The following ATRNL1 variants were observed in gnomAD, a reference collection of about 807,000 sequenced individuals.
ATRNL1 encodes attractin-like protein 1.
In ATRNL1, 95 loss-of-function variants were observed where a neutral mutation model predicts 182.7. The observed-to-expected ratio is 0.52, with a 90% CI of 0.44 to 0.62. The LOEUF (loss-of-function observed/expected upper bound fraction) is 0.62, where lower values mean the gene tolerates loss of function less well. ATRNL1 is among the 20% of genes least tolerant of loss of function. The pLI, the probability that ATRNL1 is intolerant of heterozygous loss-of-function variation, is 0.00. For synonymous variants in ATRNL1, 576 were observed against 568.3 expected (o/e 1.01, Z -0.19); for missense variants, 1,471 against 1,679.5 (o/e 0.88, Z 2.17).
intron 27 of ATRNL1, among the ~76,000 whole-genome samples, chr10:115,764,049 A>G (rs1211155886): frequency 6.6e-6 from 1 of 152,206 alleles, no homozygotes; most frequent in East Asian, 1.9e-4. Context: ...TACAGGTACT[A>G]GTATTTGTGT....
chr10:115,581,906 C>G (rs552637677), intron 26 of ATRNL1, among the ~76,000 whole-genome samples: 1 of 125,510 alleles, frequency 8.0e-6, no homozygotes, highest in Non-Finnish European at 1.6e-5. Context: ...CCCCCCACCC[C>G]ACAACAGGCC....
At chr10:115,177,237 C>T (rs1264760) in intron 8 of ATRNL1, among the ~76,000 whole-genome samples, 7,116 of 152,096 alleles carry the variant, frequency 0.047, 567 homozygotes, top group African/African-American at 0.16. Context: ...GTGATCTTGA[C>T]AGGAACAGTT....
At chr10:115,835,286 T>TG (rs1441547819) in intron 27 of ATRNL1, among the ~76,000 whole-genome samples, 1 of 152,146 alleles carries the variant, frequency 6.6e-6, no homozygotes, top group Admixed American at 6.5e-5. Flanking sequence ...TCTGAAAGCT[T>TG]CATGACTTAA....
At chr10:115,193,768 G>A (rs1848252991) in intron 8 of ATRNL1, among the ~76,000 whole-genome samples, 1 of 150,346 alleles carries the variant, frequency 6.7e-6, no homozygotes, top group Admixed American at 6.6e-5. Context: ...TCTTCTCTTT[G>A]TGTTCTTTAA....
intron 27 of ATRNL1, among the ~76,000 whole-genome samples, chr10:115,746,767 G>A (rs564853644): frequency 1.3e-5 from 2 of 152,152 alleles, no homozygotes; most frequent in African/African-American, 4.8e-5. Context: ...TAGGAATTCT[G>A]ATTTCTGCTG....
chr10:115,660,215 G>A (rs1010331728), intron 26 of ATRNL1, among the ~76,000 whole-genome samples: 1 of 152,112 alleles, frequency 6.6e-6, no homozygotes, highest in African/African-American at 2.4e-5. Flanking sequence ...ACAAGACAGA[G>A]TAATTTACTG....
intron 26 of ATRNL1, among the ~76,000 whole-genome samples, chr10:115,663,490 G>A (rs1311720231): frequency 1.3e-5 from 2 of 151,970 alleles, no homozygotes; most frequent in Non-Finnish European, 2.9e-5. Context: ...TGATTTACAA[G>A]CATGTATAAT....
chr10:115,799,072 ACCTC>A, intron 27 of ATRNL1, among the ~76,000 whole-genome samples: 1 of 151,912 alleles, frequency 6.6e-6, no homozygotes, highest in Non-Finnish European at 1.5e-5. Context: ...TGTTCCGCCC[ACCTC>A]AGCCTTCCAA....
At chr10:115,904,490 A>G (rs1296609742) in intron 28 of ATRNL1, among the ~76,000 whole-genome samples, 2 of 152,200 alleles carry the variant, frequency 1.3e-5, no homozygotes, top group Non-Finnish European at 2.9e-5. Context: ...GGCAGTCACC[A>G]TGGGATCACT....
chr10:115,143,643 C>T (rs1845841998), intron 5 of ATRNL1, among the ~76,000 whole-genome samples: 1 of 152,016 alleles, frequency 6.6e-6, no homozygotes, highest in African/African-American at 2.4e-5. Context: ...ACATAAAGAA[C>T]GAACAAGATG....
chr10:115,266,720 G>A, intron 11 of ATRNL1, 77 bp from the exon 12 acceptor site: 1 of 803,452 alleles, frequency 1.2e-6, no homozygotes, highest in East Asian at 2.5e-5. Flanking sequence ...TTAAATCTAT[G>A]CTTATTTTTA....
At position 115,093,882 on chromosome 10, in the gene ATRNL1, G is replaced by C. The variant is rs782120704; in HGVS notation, c.132G>C (p.Leu44=). ...TGCTGGACGGGAACAGCTGGCTGCTGTGCTATGGCTTCCTCTACCTGGCGC... is the reference window on the plus strand; with the variant it reads ...TGCTGGACGGGAACAGCTGGCTGCTCTGCTATGGCTTCCTCTACCTGGCGC... ...SWLLDGNSWL[L]CYGFLYLALY... Residue 44 remains leucine (L), a synonymous_variant, in exon 1 of 29, where the codon CTG becomes CTC. Coordinates refer to ENST00000355044, the MANE Select transcript of ATRNL1 (RefSeq NM_207303.4). The surrounding 1 kb of genome is among the most constrained non-coding windows in gnomAD (Gnocchi z 6.1). 1.3e-6 allele frequency: 2 copies of C among 1,592,600 alleles called. No homozygotes were observed. Among genetic ancestry groups the C allele is most frequent in the Non-Finnish European group, 1.7e-6 (2 of 1,171,732 alleles).
chr10:115,927,424 A>G (rs1016772678), intron 28 of ATRNL1, among the ~76,000 whole-genome samples: 1 of 152,118 alleles, frequency 6.6e-6, no homozygotes, highest in Non-Finnish European at 1.5e-5. Flanking sequence ...TGCTTTCAGT[A>G]ACTTCCTTTG....
At chr10:115,916,594 G>T (rs1360123822) in intron 28 of ATRNL1, among the ~76,000 whole-genome samples, 1 of 152,208 alleles carries the variant, frequency 6.6e-6, no homozygotes, top group Admixed American at 6.5e-5. Flanking sequence ...TTTCTGTAAA[G>T]CACATCCTAT....
intron 27 of ATRNL1, among the ~76,000 whole-genome samples, chr10:115,841,760 T>C (rs1349543492): frequency 6.6e-6 from 1 of 152,102 alleles, no homozygotes; most frequent in East Asian, 1.9e-4. Flanking sequence ...GGAAAGAATA[T>C]GATTTTCGCT....
At chr10:115,442,839 A>G (rs1218796179) in intron 21 of ATRNL1, among the ~76,000 whole-genome samples, 1 of 152,106 alleles carries the variant, frequency 6.6e-6, no homozygotes, top group African/African-American at 2.4e-5. Context: ...CTATCTGTCT[A>G]TAATTCTGAT....
At chr10:115,131,044 G>T (rs1845209979) in intron 5 of ATRNL1, among the ~76,000 whole-genome samples, 1 of 151,682 alleles carries the variant, frequency 6.6e-6, no homozygotes, top group South Asian at 2.1e-4. Context: ...ATTTTTTTCT[G>T]GCCTTTGTTT....
At chr10:115,904,837 C>A (rs781941010) in intron 28 of ATRNL1, among the ~76,000 whole-genome samples, 4 of 152,192 alleles carry the variant, frequency 2.6e-5, no homozygotes, top group South Asian at 2.1e-4. Context: ...CAATCAGATT[C>A]TCTTATCCTA....
intron 20 of ATRNL1, among the ~76,000 whole-genome samples, chr10:115,404,031 G>A (rs542669092): frequency 7.9e-5 from 12 of 152,128 alleles, no homozygotes; most frequent in East Asian, 1.9e-4. Flanking sequence ...GGTTTTGTCC[G>A]ATTTCTACCC....
Sources: allele counts gnomAD v4.1 joint callset (sites outside exome capture counted in the v4.1 genomes callset), GRCh38; gene constraint gnomAD v4.1.1; non-coding constraint Gnocchi (gnomAD v3.1); transcripts MANE v1.5; gene names NCBI Gene and HGNC (gene_info 2026-07-23, HGNC 2026-07-21).